Variants in KIF26B observed in about 807,000 individuals in gnomAD.
KIF26B encodes kinesin family member 26B.
A neutral mutation model predicts 151.2 loss-of-function variants in KIF26B; 63 were observed. The observed-to-expected ratio is 0.42, with a 90% CI of 0.34 to 0.51. KIF26B has a LOEUF of 0.51. Among genes scored for constraint, KIF26B ranks in the 20% least tolerant of loss-of-function variants. The pLI is 0.07. For synonymous variants in KIF26B, 1,357 were observed against 1,262.1 expected (o/e 1.08, Z -1.59); for missense variants, 2,813 against 2,913.6 (o/e 0.97, Z 0.79).
At chr1:245,473,290 A>G (rs573005422) in intron 4 of KIF26B, among the ~76,000 whole-genome samples, 2 of 152,308 alleles carry the variant, frequency 1.3e-5, no homozygotes, top group African/African-American at 4.8e-5. Context: ...TGTGTCTTTT[A>G]TATGGTCTCA....
At chr1:245,404,524 T>C (rs1046815876) in intron 3 of KIF26B, among the ~76,000 whole-genome samples, 3 of 152,190 alleles carry the variant, frequency 2.0e-5, no homozygotes, top group Non-Finnish European at 4.4e-5. Flanking sequence ...TGACTTTGCC[T>C]GACCCATATT....
At chr1:245,478,711 G>T (rs1660098237) in intron 4 of KIF26B, among the ~76,000 whole-genome samples, 1 of 151,634 alleles carries the variant, frequency 6.6e-6, no homozygotes, top group African/African-American at 2.4e-5. Context: ...CACCGCGCCC[G>T]GCCCTGACTT....
chr1:245,514,460 A>C (rs1470423972), intron 4 of KIF26B, among the ~76,000 whole-genome samples: 2 of 152,022 alleles, frequency 1.3e-5, no homozygotes, highest in Non-Finnish European at 2.9e-5. Flanking sequence ...ACCCAGAAGG[A>C]AGAAGTTGCA....
intron 4 of KIF26B, among the ~76,000 whole-genome samples, chr1:245,520,226 C>T (rs937739579): frequency 1.3e-5 from 2 of 151,120 alleles, no homozygotes; most frequent in African/African-American, 4.9e-5. Context: ...ATCAAATTGA[C>T]TTTTGGAATT....
In KIF26B at chr1:245,702,424, T is replaced by G; in HGVS notation, c.6179-34T>G. On this transcript the variant is annotated intron_variant, in intron 14 of 14. Transcript: ENST00000407071. The surrounding 1 kb of genome is among the most constrained non-coding windows in gnomAD (Gnocchi z 4.1). Reference sequence around the variant, plus strand: ...GGGAGTTGCTTCTCACCCTGTTTGCTCTGCGTCTCCATCAGGCTCTTCCTC... The same window carrying G: ...GGGAGTTGCTTCTCACCCTGTTTGCGCTGCGTCTCCATCAGGCTCTTCCTC... 1 of 1,612,498 alleles carries G rather than the reference T, an allele frequency of 6.2e-7. No individual in the cohort carries two copies. Among genetic ancestry groups the G allele is most frequent in the Non-Finnish European group, 8.5e-7 (1 of 1,178,852 alleles).
At position 245,382,295 on chromosome 1, in the gene KIF26B, G is replaced by A. The variant is rs550917180; in HGVS notation, c.999+14928G>A. 2.2e-4 allele frequency among the ~76,000 whole-genome samples: 34 copies of A among 152,142 alleles called. No individual in the cohort carries two copies. The South Asian group carries it at 6.4e-3, about 29-fold the overall frequency. On this transcript the variant is annotated intron_variant, in intron 3 of 14. Coordinates refer to ENST00000407071, the MANE Select transcript of KIF26B (RefSeq NM_018012.4). Reference sequence around the variant, plus strand: ...GCATCTCATTGTGGTGTGGATCTGCGTTTCCCTCATCATGAGTGATGTTGA... The same window carrying A: ...GCATCTCATTGTGGTGTGGATCTGCATTTCCCTCATCATGAGTGATGTTGA...
chr1:245,230,960 T>G (rs1669983265), intron 2 of KIF26B, among the ~76,000 whole-genome samples: 2 of 151,490 alleles, frequency 1.3e-5, no homozygotes, highest in African/African-American at 4.9e-5. Flanking sequence ...GATTATGACA[T>G]GCCAGAAAGA....
intron 2 of KIF26B, among the ~76,000 whole-genome samples, chr1:245,263,561 G>A (rs1670688443): frequency 6.6e-6 from 1 of 152,160 alleles, no homozygotes; most frequent in African/African-American, 2.4e-5. Context: ...AGGGCACTAG[G>A]GAGAGAAAGA....
chr1:245,516,201 G>A lies in KIF26B; in HGVS notation c.1167-24566G>A, dbSNP rs898439534. Among the ~76,000 whole-genome samples the A allele has an allele frequency of 2.6e-5, 4 of 152,142 alleles. No homozygotes were observed. Among genetic ancestry groups the A allele is most frequent in the South Asian group, 2.1e-4 (1 of 4,818 alleles). ...TCTGGATTTATCCTTTTTATCAGCA[G>A]AATGGTACATTTCCCATAGCAATGC... On this transcript the variant is annotated intron_variant, in intron 4 of 14. Coordinates refer to ENST00000407071, the MANE Select transcript of KIF26B (RefSeq NM_018012.4). This position sits in a 1 kb window ranked among gnomAD's most constrained non-coding sequence, Gnocchi z 4.2.
chr1:245,263,705 C>T (rs1025570744), intron 2 of KIF26B, among the ~76,000 whole-genome samples: 10 of 152,040 alleles, frequency 6.6e-5, no homozygotes, highest in Non-Finnish European at 4.4e-5. Flanking sequence ...CCCATTTCCC[C>T]AAAAAAGGTA....
At chr1:245,532,272 G>A (rs1661384430) in intron 4 of KIF26B, among the ~76,000 whole-genome samples, 1 of 128,580 alleles carries the variant, frequency 7.8e-6, no homozygotes, top group African/African-American at 3.1e-5. Flanking sequence ...TTGAGACAGA[G>A]TCTTGCTCTG....
chr1:245,571,866 G>A (rs2043069010), intron 5 of KIF26B, among the ~76,000 whole-genome samples: 1 of 152,176 alleles, frequency 6.6e-6, no homozygotes, highest in Non-Finnish European at 1.5e-5. Flanking sequence ...GGAGAAATCA[G>A]GCGCTTGTAA....
At chr1:245,341,112 A>T (rs1324306403) in intron 2 of KIF26B, among the ~76,000 whole-genome samples, 1 of 151,966 alleles carries the variant, frequency 6.6e-6, no homozygotes, top group Non-Finnish European at 1.5e-5. Context: ...GTGAGTCTAT[A>T]CTGAAGCCAG....
At chr1:245,600,583 C>G (rs2043385930) in intron 5 of KIF26B, among the ~76,000 whole-genome samples, 1 of 151,704 alleles carries the variant, frequency 6.6e-6, no homozygotes, top group Admixed American at 6.6e-5. Context: ...TGCCCACATG[C>G]TGGGCATTCA....
chr1:245,330,297 G>A (rs1672073255), intron 2 of KIF26B, among the ~76,000 whole-genome samples: 1 of 145,580 alleles, frequency 6.9e-6, no homozygotes, highest in Non-Finnish European at 1.5e-5. Flanking sequence ...TGGGGAGGGG[G>A]TGTGAGGGGC....
At position 245,403,818 on chromosome 1, in the gene KIF26B, A is replaced by G. The variant is rs1283840963; in HGVS notation, c.1000-15761A>G. 2.0e-5 allele frequency among the ~76,000 whole-genome samples: 3 copies of G among 152,252 alleles called. No homozygotes were observed. In the East Asian group the frequency reaches 5.8e-4, roughly 29 times the overall value. ...CTCTAAGGGTACTATTTAGGGAAGT[A>G]AAAGTTACTCTAAAGGCAAGATTGA... On this transcript the variant is annotated intron_variant, in intron 3 of 14. Transcript: ENST00000407071.
intron 14 of KIF26B, among the ~76,000 whole-genome samples, chr1:245,701,421 T>C (rs1208485580): frequency 6.6e-6 from 1 of 152,190 alleles, no homozygotes; most frequent in Admixed American, 6.5e-5. Context: ...TTTTTTGTTT[T>C]GGTTTTTAAA....
intron 2 of KIF26B, among the ~76,000 whole-genome samples, chr1:245,199,842 TCCAC>T (rs80061317): frequency 0.79 from 110,884 of 140,692 alleles, 41,636 homozygotes; most frequent in South Asian, 0.85. Flanking sequence ...CATCCATCCA[TCCAC>T]CCATCCACTT....
intron 10 of KIF26B, among the ~76,000 whole-genome samples, chr1:245,671,654 T>C (rs1558262009): frequency 6.6e-6 from 1 of 152,198 alleles, no homozygotes; most frequent in South Asian, 2.1e-4. Context: ...ACAATAAAAA[T>C]AGGAAAAGGC....
Sources: gnomAD v4.1 joint callset for allele counts (sites outside exome capture counted in the v4.1 genomes callset) on GRCh38, gnomAD v4.1.1 for gene constraint, Gnocchi (gnomAD v3.1) non-coding constraint, MANE v1.5 for transcripts, NCBI Gene and HGNC (gene_info 2026-07-23, HGNC 2026-07-21) for gene names.